The following CYB5R2 variants were observed in gnomAD, a reference collection of about 807,000 sequenced individuals.
CYB5R2 encodes the protein cytochrome b5 reductase 2, also known as NADH-cytochrome b5 reductase 2.
CYB5R2 carries 35 observed loss-of-function variants against 29.8 expected under a neutral mutation model. The observed-to-expected ratio is 1.17, with a 90% CI of 0.90 to 1.56. CYB5R2 has a LOEUF of 1.56. CYB5R2 is among the 40% of genes most tolerant of loss of function. The pLI is 0.00. For synonymous variants in CYB5R2, 169 were observed against 130.6 expected, an observed-to-expected ratio of 1.29 and a Z score of -2.01; for missense variants, 419 against 346.7, an observed-to-expected ratio of 1.21 and a Z score of -1.66.
At chr11:7,669,477 A>G in intron 4 of CYB5R2, 143 bp from the exon 5 acceptor site, 1 of 1,244,006 alleles carries the variant, frequency 8.0e-7, no homozygotes, top group Non-Finnish European at 1.1e-6. Flanking sequence ...CTGAAGATGA[A>G]GCTGCCACAA....
intron 3 of CYB5R2, chr11:7,671,412 A>G (rs917186438): frequency 5.9e-5 from 9 of 152,256 alleles, no homozygotes; most frequent in African/African-American, 2.2e-4. Flanking sequence ...CTAACTTTGC[A>G]CGGCCTAGGC....
At position 7,668,347 on chromosome 11, in the gene CYB5R2, G is replaced by A. The variant is rs1855477684; in HGVS notation, c.472+131C>T. On this transcript the variant is annotated intron_variant, in intron 6 of 8. Transcript: ENST00000299498. Reference sequence around the variant, plus strand: ...AGGGTCAGTTTCAAGACCTGTCACTGGTTCATCGTTCCCACCTTCTACAGC... The same window carrying A: ...AGGGTCAGTTTCAAGACCTGTCACTAGTTCATCGTTCCCACCTTCTACAGC... The A allele has an allele frequency of 3.8e-6, 3 of 784,698 alleles. No individual in the cohort carries two copies. The South Asian group carries it at 4.2e-5, about 11-fold the overall frequency. The allele number at this position is 784,698 out of a possible 1,614,324, so 48.6% of individuals were successfully genotyped here. A position where few individuals can be genotyped will look rare whatever the true frequency, so the allele number is the denominator to read the frequency against.
At chr11:7,668,816 G>A (rs572055604) in intron 5 of CYB5R2, 227 of 589,234 alleles carry the variant, frequency 3.9e-4, no homozygotes, top group Middle Eastern at 1.4e-3. Context: ...GGGGCAAGCT[G>A]AAGTTAACAC....
intron 2 of CYB5R2, 46 bp from the exon 3 acceptor site, chr11:7,672,569 C>T: frequency 1.2e-5 from 19 of 1,595,522 alleles, no homozygotes; most frequent in Non-Finnish European, 1.6e-5. Context: ...TTCTAGAAGC[C>T]TTGCTGGGCA....
intron 8 of CYB5R2, 153 bp downstream of exon 8, chr11:7,666,298 T>G: frequency 1.6e-6 from 1 of 614,334 alleles, no homozygotes; most frequent in Non-Finnish European, 2.9e-6. Flanking sequence ...CTCCCTCAAT[T>G]TCTCACATTT....
At position 7,672,803 on chromosome 11, in the gene CYB5R2, G is replaced by T; in HGVS notation, c.23C>A (p.Pro8Gln). Residue 8 changes from proline to glutamine, a missense_variant, in exon 2 of 9, where the codon CCA becomes CAA. Pro to Gln is a moderately conservative substitution (Grantham distance 76, BLOSUM62 -1). Transcript: ENST00000299498. The stretch of plus-strand genomic sequence containing the variant: ...GGCTTCAGGGTCCTGTAAGGTGATT[G>T]GCTCTCTCCTCCTGGAGTTCATGCT... The part of the protein sequence containing the change: MNSRRRE[P>Q]ITLQDPEAKY... 6.2e-7 allele frequency: 1 copy of T among 1,614,118 alleles called. No homozygotes were observed. The highest frequency in any genetic ancestry group is 8.5e-7 in the Non-Finnish European group (1 of 1,179,998).
At chr11:7,669,018 A>C (rs1286227469) in intron 5 of CYB5R2, 187 bp downstream of exon 5, 1 of 760,752 alleles carries the variant, frequency 1.3e-6, no homozygotes, top group African/African-American at 1.7e-5. Context: ...TACCTTACAA[A>C]AGCTGACAAC....
chr11:7,669,125 T>C (rs1176060240), intron 5 of CYB5R2, 80 bp downstream of exon 5: 3 of 1,558,020 alleles, frequency 1.9e-6, no homozygotes, highest in Non-Finnish European at 1.8e-6. Flanking sequence ...GACTCAAATC[T>C]GAGGAGTGTA....
chr11:7,668,068 A>T (rs1482446591), intron 6 of CYB5R2, among the ~76,000 whole-genome samples: 1 of 152,238 alleles, frequency 6.6e-6, no homozygotes, highest in East Asian at 1.9e-4. Flanking sequence ...CATTCATCAA[A>T]CAATGACGGG....
In CYB5R2 at chr11:7,672,837, C is replaced by T. The variant is rs772639433; in HGVS notation, c.-12G>A. The stretch of plus-strand genomic sequence containing the variant: ...CTCCTGGAGTTCATGCTCTTCAGGA[C>T]CAACACGAGCACAGTGACCCCAGTG... On this transcript the variant is annotated 5_prime_UTR_variant, in exon 2 of 9. Coordinates refer to ENST00000299498, the MANE Select transcript of CYB5R2 (RefSeq NM_016229.5). 3 of 1,614,036 alleles carry T rather than the reference C, an allele frequency of 1.9e-6. No individual in the cohort carries two copies. The highest frequency in any genetic ancestry group is 2.5e-6 in the Non-Finnish European group (3 of 1,179,944).
At chr11:7,670,529 G>A (rs1459550029) in intron 3 of CYB5R2, 1 of 152,236 alleles carries the variant, frequency 6.6e-6, no homozygotes, top group East Asian at 1.9e-4. Context: ...AGATACTACA[G>A]GGCCCTAGGA....
intron 8 of CYB5R2, 165 bp downstream of exon 8, chr11:7,666,286 T>C (rs11041523): frequency 0.52 from 315,807 of 605,976 alleles, 84,129 homozygotes; most frequent in East Asian, 0.66. Flanking sequence ...CCCAAATCCT[T>C]TCTCCCTCAA....
Position 7,668,564 on chromosome 11 carries a change from G to GGAAACACAGAGAATGC in CYB5R2, c.389-19_389-4dup. ...GTCTGGTCTGATTCCAAGATTCCCT[G>GGAAACACAGAGAATGC]GAAACACAGAGAATGCTTATGACCT... On this transcript the variant is annotated splice_region_variant and splice_polypyrimidine_tract_variant and intron_variant, in intron 5 of 8. Transcript: ENST00000299498. 6.2e-7 allele frequency: 1 copy of GGAAACACAGAGAATGC among 1,612,274 alleles called. No homozygotes were observed. Among genetic ancestry groups the GGAAACACAGAGAATGC allele is most frequent in the Non-Finnish European group, 8.5e-7 (1 of 1,178,390 alleles).
intron 5 of CYB5R2, 65 bp from the exon 6 acceptor site, chr11:7,668,626 T>C (rs763527266): frequency 1.4e-5 from 19 of 1,322,542 alleles, no homozygotes; most frequent in Non-Finnish European, 2.1e-5. Context: ...AAAAGATCAC[T>C]GACATTCCTT....
chr11:7,673,949 C>T (rs1300314440), upstream of CYB5R2: 4 of 1,009,064 alleles, frequency 4.0e-6, no homozygotes, highest in Admixed American at 5.4e-5. Flanking sequence ...GGCTCTCACT[C>T]ACGAGCCGCT....
rs575405160 is a variant in CYB5R2 at position 7,672,505 on chromosome 11, G to A, written c.97C>T (p.Arg33Trp). ...GAAGGCAGTCCAAAGCGGAACCTCC[G>A]GGTGTTGTGGCTGATTTTCTGATAA... is the stretch of plus-strand genomic sequence containing the variant. ...IEKEKISHNT[R>W]RFRFGLPSPD... is the part of the protein sequence containing the mutation. Residue 33 changes from arginine (R) to tryptophan (W), a missense_variant, in exon 3 of 9, where the codon CGG (arginine) becomes TGG (tryptophan). Transcript: ENST00000299498. 4.6e-5 allele frequency: 74 copies of A among 1,614,182 alleles called. No individual in the cohort carries two copies. Among genetic ancestry groups the A allele is most frequent in the South Asian group, 1.1e-4 (10 of 91,080 alleles).
intron 7 of CYB5R2, 88 bp downstream of exon 7, chr11:7,667,640 T>A: frequency 7.9e-7 from 1 of 1,260,940 alleles, no homozygotes; most frequent in Non-Finnish European, 1.2e-6. Context: ...CCAAGCAGCA[T>A]GAGCTCAGTC....
chr11:7,667,856 G>C (rs755707600), intron 6 of CYB5R2, 43 bp from the exon 7 acceptor site: 1 of 1,507,458 alleles, frequency 6.6e-7, no homozygotes, highest in South Asian at 1.1e-5. Context: ...CCCTGTCTCT[G>C]AAGCCCACAG....
At chr11:7,668,389 C>G in intron 6 of CYB5R2, 89 bp downstream of exon 6, 1 of 1,028,010 alleles carries the variant, frequency 9.7e-7, no homozygotes, top group Non-Finnish European at 1.5e-6. Flanking sequence ...CGAAATCTCT[C>G]ATGTTGTCCC....
Sources: gnomAD v4.1 joint callset for allele counts (sites outside exome capture counted in the v4.1 genomes callset) on GRCh38, gnomAD v4.1.1 for gene constraint, MANE v1.5 for transcripts, NCBI Gene and HGNC (gene_info 2026-07-23, HGNC 2026-07-21) for gene names.